RHBDD1: variants seen among roughly 807,000 people sequenced by gnomAD.
RHBDD1 encodes the protein rhomboid domain containing 1, also known as rhomboid-related protein 4.
A neutral mutation model predicts 36.3 loss-of-function variants in RHBDD1; 38 were observed. That is an observed-to-expected ratio of 1.05 (90% CI 0.81 to 1.37). The LOEUF (loss-of-function observed/expected upper bound fraction) is 1.37, where lower values mean the gene tolerates loss of function less well. RHBDD1 is among the 40% of genes most tolerant of loss of function. The pLI is 0.00. For missense variants in RHBDD1, 393 were observed against 377.6 expected (o/e 1.04, Z -0.34); for synonymous variants, 151 against 136.5 (o/e 1.11, Z -0.74).
chr2:226,981,707 C>T (rs954983125), intron 8 of RHBDD1, among the ~76,000 whole-genome samples: 7 of 152,206 alleles, frequency 4.6e-5, no homozygotes, highest in Non-Finnish European at 7.3e-5. Flanking sequence ...AATACAGAAA[C>T]AGGCGTGGTT....
intron 5 of RHBDD1, among the ~76,000 whole-genome samples, chr2:226,899,603 A>T (rs1947423976): frequency 6.6e-6 from 1 of 152,216 alleles, no homozygotes; most frequent in African/African-American, 2.4e-5. Context: ...TAAAGACAGT[A>T]TGTCCAAAAT....
At chr2:226,913,012 T>C (rs367573470) in intron 7 of RHBDD1, among the ~76,000 whole-genome samples, 1 of 152,222 alleles carries the variant, frequency 6.6e-6, no homozygotes, top group African/African-American at 2.4e-5. Context: ...TCCCTTTTAA[T>C]CCTGCATATT....
At chr2:226,828,751 A>G in the RHBDD1 span, among the ~76,000 whole-genome samples, 1 of 152,124 alleles carries the variant, frequency 6.6e-6, no homozygotes. Context: ...TTTTAACTGA[A>G]TTGTTTTCTA....
chr2:226,830,673 A>G (rs1435075065), upstream of RHBDD1, among the ~76,000 whole-genome samples: 1 of 151,888 alleles, frequency 6.6e-6, no homozygotes, highest in African/African-American at 2.4e-5. Context: ...CCAGATATAA[A>G]CTTTTTTTTA....
chr2:226,831,160 A>C (rs528120297), upstream of RHBDD1, among the ~76,000 whole-genome samples: 2 of 152,146 alleles, frequency 1.3e-5, no homozygotes, highest in African/African-American at 2.4e-5. Flanking sequence ...GAACTGTTCT[A>C]TTTTCAGAAA....
Position 226,963,876 on chromosome 2 carries a change from C to G in RHBDD1, c.857-31555C>G, listed in dbSNP as rs139541582. Among the ~76,000 whole-genome samples the G allele has an allele frequency of 9.6e-4, 146 of 152,264 alleles. 4 individuals are homozygous for G. The South Asian group carries it at 0.014, about 14-fold the overall frequency. On this transcript the variant is annotated intron_variant, in intron 8 of 8. Coordinates refer to ENST00000392062, the MANE Select transcript of RHBDD1 (RefSeq NM_001167608.3). ...AACCTCCCATCATGAAAACTACAAA[C>G]GAACCTATTCTGTACTCACCACCCC...
At chr2:226,850,012 C>G (rs1180417263) in intron 3 of RHBDD1, among the ~76,000 whole-genome samples, 1 of 152,214 alleles carries the variant, frequency 6.6e-6, no homozygotes, top group African/African-American at 2.4e-5. Flanking sequence ...GGACCCTTGT[C>G]TTAGATTCTG....
intron 3 of RHBDD1, among the ~76,000 whole-genome samples, chr2:226,855,503 TA>T (rs1035516406): frequency 6.6e-6 from 1 of 152,048 alleles, no homozygotes; most frequent in African/African-American, 2.4e-5. Flanking sequence ...ACCCTGTCTC[TA>T]AAAAACAAAA....
intron 5 of RHBDD1, among the ~76,000 whole-genome samples, chr2:226,889,939 A>G (rs1476948781): frequency 6.6e-6 from 1 of 152,180 alleles, no homozygotes; most frequent in African/African-American, 2.4e-5. Context: ...GAGACCAATA[A>G]TAGTACCCAT....
In RHBDD1 at chr2:226,870,505, A is replaced by C. The variant is rs185745225; in HGVS notation, c.566+3187A>C. ...CTAAAAATGCCCATAAGCCACTCTT[A>C]AACACTAAATAAGCAAGCCTTGGCT... On this transcript the variant is annotated intron_variant, in intron 5 of 8. Coordinates refer to ENST00000392062, the MANE Select transcript of RHBDD1 (RefSeq NM_001167608.3). Among the ~76,000 whole-genome samples the C allele has an allele frequency of 3.9e-4, 59 of 152,284 alleles. No individual in the cohort carries two copies. The South Asian group carries it at 3.9e-3, about 10-fold the overall frequency.
intron 5 of RHBDD1, among the ~76,000 whole-genome samples, chr2:226,884,987 A>T (rs954024541): frequency 6.6e-6 from 1 of 152,198 alleles, no homozygotes; most frequent in African/African-American, 2.4e-5. Flanking sequence ...AATACTAAGT[A>T]CAAGAAAAAC....
At chr2:226,893,433 T>C (rs1946848179) in intron 5 of RHBDD1, among the ~76,000 whole-genome samples, 1 of 152,202 alleles carries the variant, frequency 6.6e-6, no homozygotes, top group Non-Finnish European at 1.5e-5. Flanking sequence ...CAGTACAATG[T>C]GGAAGTGATC....
chr2:226,968,391 G>A (rs1952816455), intron 8 of RHBDD1, among the ~76,000 whole-genome samples: 2 of 152,330 alleles, frequency 1.3e-5, no homozygotes, highest in Admixed American at 1.3e-4. Flanking sequence ...GGCTGAAGCT[G>A]TAGTCCACAA....
chr2:226,868,769 C>T (rs16822814), intron 5 of RHBDD1, among the ~76,000 whole-genome samples: 36,460 of 152,120 alleles, frequency 0.24, 8,200 homozygotes, highest in African/African-American at 0.6. Flanking sequence ...GCAGCTGGCC[C>T]ATAAATGACA....
At chr2:226,809,726 T>C in the RHBDD1 span, among the ~76,000 whole-genome samples, 2 of 152,136 alleles carry the variant, frequency 1.3e-5, no homozygotes, top group East Asian at 3.8e-4. Context: ...AGACAAAAGT[T>C]TATATCTAGG....
chr2:226,968,498 C>T (rs1335937289), intron 8 of RHBDD1, among the ~76,000 whole-genome samples: 1 of 152,188 alleles, frequency 6.6e-6, no homozygotes, highest in Non-Finnish European at 1.5e-5. Context: ...AATAATCTCC[C>T]TTAAAGTCAG....
rs200943797 is a variant in RHBDD1 at position 226,914,303 on chromosome 2, G to A, written c.808G>A (p.Glu270Lys). 263 of 1,613,636 alleles carry A rather than the reference G, an allele frequency of 1.6e-4. No homozygotes were observed. Among genetic ancestry groups the A allele is most frequent in the Non-Finnish European group, 2.2e-4 (256 of 1,179,820 alleles). The change falls in exon 8 of 9, where the codon GAA (glutamate) becomes AAA (lysine). Residue 270 changes from glutamate (E) to lysine (K), a missense_variant. Physicochemically the swap from Glu to Lys is moderately conservative, Grantham distance 56. Coordinates refer to ENST00000392062, the MANE Select transcript of RHBDD1 (RefSeq NM_001167608.3). ...NYDTYTAGLS[E>K]EEQLERALQA... ...TGACACGTACACAGCAGGACTGAGT[G>A]AAGAAGAACAGCTCGAGAGAGCATT...
the RHBDD1 span, among the ~76,000 whole-genome samples, chr2:226,827,561 C>A: frequency 6.6e-6 from 1 of 152,186 alleles, no homozygotes; most frequent in Non-Finnish European, 1.5e-5. Context: ...GCCTGGAATG[C>A]TGTTCCATTT....
chr2:226,877,878 T>C (rs1377412410), intron 5 of RHBDD1, among the ~76,000 whole-genome samples: 1 of 152,222 alleles, frequency 6.6e-6, no homozygotes, highest in Non-Finnish European at 1.5e-5. Flanking sequence ...TTGGTATTGT[T>C]TGGGGCCACT....
Sources: allele counts gnomAD v4.1 joint callset (sites outside exome capture counted in the v4.1 genomes callset), GRCh38; gene constraint gnomAD v4.1.1; transcripts MANE v1.5; gene names NCBI Gene and HGNC (gene_info 2026-07-23, HGNC 2026-07-21).